Variants in ROBO1 observed in about 807,000 individuals in gnomAD.
The protein encoded by ROBO1 is roundabout homolog 1.
ROBO1 carries 149 observed loss-of-function variants against 195.9 expected under a neutral mutation model. The observed-to-expected ratio is 0.76, with a 90% CI of 0.67 to 0.87. The LOEUF (loss-of-function observed/expected upper bound fraction) is 0.87, where lower values mean the gene tolerates loss of function less well. Among genes scored for constraint, ROBO1 ranks in the 40% least tolerant of loss-of-function variants. The pLI, the probability that ROBO1 is intolerant of heterozygous loss-of-function variation, is 0.00. For synonymous variants in ROBO1, 816 were observed against 733.2 expected (o/e 1.11, Z -1.82); for missense variants, 1,933 against 2,068.3 (o/e 0.93, Z 1.27).
intron 3 of ROBO1, among the ~76,000 whole-genome samples, chr3:79,052,711 C>G (rs1423793007): frequency 1.3e-5 from 2 of 152,026 alleles, no homozygotes; most frequent in Non-Finnish European, 2.9e-5. Context: ...AGAAAAGAAC[C>G]TACATTGAAA....
At chr3:79,144,684 C>A (rs1559691750) in intron 2 of ROBO1, among the ~76,000 whole-genome samples, 1 of 151,888 alleles carries the variant, frequency 6.6e-6, no homozygotes, top group Non-Finnish European at 1.5e-5. Context: ...TCATCTCATT[C>A]TCCTTATATT....
At chr3:79,762,419 C>T (rs1003484630) in intron 1 of ROBO1, among the ~76,000 whole-genome samples, 20 of 150,232 alleles carry the variant, frequency 1.3e-4, no homozygotes, top group Non-Finnish European at 2.7e-4. Context: ...AGCGCAGTCT[C>T]ATAGTAGAAA....
chr3:79,767,162 G>T (rs4856327), intron 1 of ROBO1, among the ~76,000 whole-genome samples: 103,452 of 151,970 alleles, frequency 0.68, 35,378 homozygotes, highest in Middle Eastern at 0.75. Context: ...GCCCCCACGC[G>T]CATCCATTCC....
At chr3:79,443,014 A>G (rs890845084) in intron 2 of ROBO1, among the ~76,000 whole-genome samples, 1 of 152,198 alleles carries the variant, frequency 6.6e-6, no homozygotes, top group Non-Finnish European at 1.5e-5. Flanking sequence ...TGTCTTTGTC[A>G]TTAGATGAAA....
chr3:79,628,584 A>G (rs1044568256), intron 1 of ROBO1, among the ~76,000 whole-genome samples: 2 of 152,200 alleles, frequency 1.3e-5, no homozygotes, highest in African/African-American at 4.8e-5. Flanking sequence ...TACGTTCTGC[A>G]CATGTATCCC....
chr3:78,763,595 C>T (rs2083157727), intron 4 of ROBO1, among the ~76,000 whole-genome samples: 1 of 152,124 alleles, frequency 6.6e-6, no homozygotes, highest in Non-Finnish European at 1.5e-5. Flanking sequence ...GATTTTCTCT[C>T]CATTCCCAAA....
chr3:78,600,237 G>A lies in ROBO1; in HGVS notation c.4817C>T (p.Ser1606Leu), dbSNP rs1703090670. The change falls in exon 30 of 31, where the codon TCA (serine) becomes TTA (leucine). Residue 1606 changes from serine to leucine, a missense_variant. Ser to Leu is a moderately radical substitution (Grantham distance 145). This residue lies in a region of ROBO1 where 1,737 missense variants were observed against 1,882.5 expected (regional missense o/e 0.92). Transcript: ENST00000464233. ...NNPRDPSSSS[S>L]MSSRGSGSRQ... ...GCTTCCTGATCCTCTTGATGACATTGAGCTTGAGGAACTGGGATCTCTGGG... is the reference window on the plus strand; with the variant it reads ...GCTTCCTGATCCTCTTGATGACATTAAGCTTGAGGAACTGGGATCTCTGGG... The A allele has an allele frequency of 6.2e-7, 1 of 1,613,362 alleles. No individual in the cohort carries two copies. The highest frequency in any genetic ancestry group is 8.5e-7 in the Non-Finnish European group (1 of 1,179,452).
chr3:79,641,651 A>G (rs563239323), intron 1 of ROBO1, among the ~76,000 whole-genome samples: 1 of 151,726 alleles, frequency 6.6e-6, no homozygotes, highest in African/African-American at 2.4e-5. Flanking sequence ...TCAAAATAGA[A>G]GTTTAAGGGA....
intron 3 of ROBO1, among the ~76,000 whole-genome samples, chr3:78,977,839 T>C (rs1001513443): frequency 6.6e-6 from 1 of 152,212 alleles, no homozygotes; most frequent in South Asian, 2.1e-4. Flanking sequence ...CCAGTCTCTG[T>C]AGGCTGAGAA....
In ROBO1 at chr3:78,717,834, C is replaced by T; in HGVS notation, c.707G>A (p.Gly236Asp). ...ATTGGTACCAACACAAACATATTTG[C>T]CAGCGTCACTTTTACGGGTGTAAGT... is the stretch of plus-strand genomic sequence containing the variant. ...MITYTRKSDAGKYVCVGTNMV... is the reference protein window; with the variant it reads ...MITYTRKSDADKYVCVGTNMV... The change falls in exon 6 of 31, where the codon GGC becomes GAC. Residue 236 changes from glycine to aspartate, a missense_variant. This residue lies in a region of ROBO1 where 1,737 missense variants were observed against 1,882.5 expected (regional missense o/e 0.92). Coordinates refer to ENST00000464233, the MANE Select transcript of ROBO1 (RefSeq NM_002941.4). 1 of 1,613,738 alleles carries T rather than the reference C, an allele frequency of 6.2e-7. No homozygotes were observed. The highest frequency in any genetic ancestry group is 8.5e-7 in the Non-Finnish European group (1 of 1,179,726).
intron 3 of ROBO1, among the ~76,000 whole-genome samples, chr3:79,096,993 T>C (rs543383345): frequency 1.3e-5 from 2 of 151,812 alleles, no homozygotes; most frequent in South Asian, 4.1e-4. Flanking sequence ...TGGTTAGATA[T>C]GGAAATACTT....
chr3:79,027,004 C>T (rs928573957), intron 3 of ROBO1, among the ~76,000 whole-genome samples: 1 of 151,850 alleles, frequency 6.6e-6, no homozygotes, highest in Non-Finnish European at 1.5e-5. Context: ...TTAGTCCCAC[C>T]TGTTGTTTGT....
chr3:78,880,235 C>T lies in ROBO1; in HGVS notation c.499+58366G>A, dbSNP rs2036102112. Reference sequence around the variant, plus strand: ...CCATGTAATTTAATATGTGGTAAATCCTACCAGTCCTACCAGTTAGGATCA... The same window carrying T: ...CCATGTAATTTAATATGTGGTAAATTCTACCAGTCCTACCAGTTAGGATCA... On this transcript the variant is annotated intron_variant, in intron 4 of 30. Coordinates refer to ENST00000464233, the MANE Select transcript of ROBO1 (RefSeq NM_002941.4). 1.3e-5 allele frequency among the ~76,000 whole-genome samples: 2 copies of T among 152,088 alleles called. 1 individual carries two copies. Among genetic ancestry groups the T allele is most frequent in the East Asian group, 3.9e-4 (2 of 5,186 alleles).
chr3:79,650,144 G>T (rs1389637186), intron 1 of ROBO1, among the ~76,000 whole-genome samples: 1 of 151,902 alleles, frequency 6.6e-6, no homozygotes, highest in African/African-American at 2.4e-5. Context: ...AATATTAAAT[G>T]CAGATTCTCT....
intron 3 of ROBO1, among the ~76,000 whole-genome samples, chr3:79,120,715 T>A (rs1019732701): frequency 6.6e-6 from 1 of 151,892 alleles, no homozygotes; most frequent in South Asian, 2.1e-4. Flanking sequence ...TAATTGAGCA[T>A]CTAGAATGTT....
chr3:78,665,859 G>A (rs960838542), intron 14 of ROBO1, among the ~76,000 whole-genome samples: 1 of 152,016 alleles, frequency 6.6e-6, no homozygotes, highest in African/African-American at 2.4e-5. Context: ...CTGTATGCCT[G>A]TTTCTCTATA....
intron 27 of ROBO1, among the ~76,000 whole-genome samples, chr3:78,617,339 T>C (rs1704168207): frequency 6.6e-6 from 1 of 152,190 alleles, no homozygotes; most frequent in African/African-American, 2.4e-5. Context: ...ATTTGTGTAA[T>C]ACGTATATTT....
At chr3:78,623,815 A>C (rs987184882) in intron 26 of ROBO1, among the ~76,000 whole-genome samples, 21 of 152,160 alleles carry the variant, frequency 1.4e-4, no homozygotes, top group Non-Finnish European at 2.6e-4. Context: ...AAGTAGTTGG[A>C]TATATGGGTC....
chr3:79,516,156 A>G (rs1940934359), intron 2 of ROBO1, among the ~76,000 whole-genome samples: 1 of 152,140 alleles, frequency 6.6e-6, no homozygotes, highest in Non-Finnish European at 1.5e-5. Flanking sequence ...CGCTTTTGAA[A>G]CCTGGCAATT....
Sources: allele counts gnomAD v4.1 joint callset (sites outside exome capture counted in the v4.1 genomes callset), GRCh38; gene constraint gnomAD v4.1.1; regional missense constraint gnomAD v4.1.1; transcripts MANE v1.5; gene names NCBI Gene and HGNC (gene_info 2026-07-23, HGNC 2026-07-21).